MTHFD1: variants seen among roughly 807,000 people sequenced by gnomAD.
MTHFD1 encodes C-1-tetrahydrofolate synthase, cytoplasmic.
MTHFD1 carries 44 observed loss-of-function variants against 110.3 expected under a neutral mutation model. The observed-to-expected ratio is 0.40, with a 90% CI of 0.31 to 0.51. The LOEUF (loss-of-function observed/expected upper bound fraction) is 0.51, where lower values mean the gene tolerates loss of function less well. Among genes scored for constraint, MTHFD1 ranks in the 20% least tolerant of loss-of-function variants. The probability of loss-of-function intolerance (pLI) is 0.60; values close to 1 mark genes in which losing one functional copy is unlikely to be tolerated. For missense variants in MTHFD1, 909 were observed against 1,173.1 expected, an observed-to-expected ratio of 0.77 and a Z score of 3.29; for synonymous variants, 402 against 428.8, an observed-to-expected ratio of 0.94 and a Z score of 0.77.
At chr14:64,418,252 C>T (rs2078040552) in intron 7 of MTHFD1, among the ~76,000 whole-genome samples, 1 of 151,848 alleles carries the variant, frequency 6.6e-6, no homozygotes, top group Admixed American at 6.6e-5. Context: ...TTTTTGAGAC[C>T]AGCCTGGGCA....
In MTHFD1 at chr14:64,415,748, A is replaced by G. The variant is rs1448173215; in HGVS notation, c.478+9A>G. The G allele has an allele frequency of 6.2e-7, 1 of 1,612,966 alleles. No individual in the cohort carries two copies. The highest frequency in any genetic ancestry group is 1.3e-5 in the African/African-American group (1 of 74,916). ...ACTCATCAAAGAGACAGGTAAAAAC[A>G]ACAAACCAAACAACAAGAAAGCACC... On this transcript the variant is annotated intron_variant, in intron 6 of 27. Coordinates refer to ENST00000652337, the MANE Select transcript of MTHFD1 (RefSeq NM_005956.4).
At chr14:64,423,733 TC>T (rs1243365930) in intron 8 of MTHFD1, among the ~76,000 whole-genome samples, 1 of 146,924 alleles carries the variant, frequency 6.8e-6, no homozygotes, top group Non-Finnish European at 1.5e-5. Context: ...ACAGCTAATC[TC>T]TTTTTTTTCT....
chr14:64,436,101 C>CTT (rs958326126), intron 16 of MTHFD1, among the ~76,000 whole-genome samples: 1 of 146,960 alleles, frequency 6.8e-6, no homozygotes. Flanking sequence ...CTTACCTAAT[C>CTT]TTTTTTTTTT....
In MTHFD1 at chr14:64,401,011, G is replaced by A. The variant is rs1008960041; in HGVS notation, c.126+134G>A. The stretch of plus-strand genomic sequence containing the variant: ...CATGCCTTTTCAGTCTCTCTTGGCA[G>A]GCTCCCCCCTTTGGCTCAGCTTCTA... On this transcript the variant is annotated intron_variant, in intron 2 of 27. Transcript: ENST00000652337. 8.4e-6 allele frequency: 6 copies of A among 710,586 alleles called. No individual in the cohort carries two copies. In the African/African-American group the frequency reaches 8.9e-5, roughly 10 times the overall value. The allele number at this position is 710,586 out of a possible 1,614,324, so 44.0% of individuals were successfully genotyped here.
chr14:64,414,763 G>T (rs2357696), intron 4 of MTHFD1, among the ~76,000 whole-genome samples: 1 of 151,208 alleles, frequency 6.6e-6, no homozygotes, highest in Non-Finnish European at 1.5e-5. Context: ...TATCTCAGCG[G>T]ACTGCAACCT....
chr14:64,441,424 A>T lies in MTHFD1; in HGVS notation c.1855A>T (p.Ile619Phe). ...GALTVLMKDA[I>F]KPNLMQTLEG... ...ACTGACAGTGCTTATGAAGGACGCA[A>T]TCAAGCCCAATCTCATGCAGACACT... The change falls in exon 19 of 28, where the codon ATC becomes TTC. Residue 619 changes from isoleucine (I) to phenylalanine (F), a missense_variant. Coordinates refer to ENST00000652337, the MANE Select transcript of MTHFD1 (RefSeq NM_005956.4). The T allele has an allele frequency of 1.9e-6, 3 of 1,614,054 alleles. No homozygotes were observed. The highest frequency in any genetic ancestry group is 2.5e-6 in the Non-Finnish European group (3 of 1,179,978).
At chr14:64,409,486 T>TA (rs1039279110) in intron 2 of MTHFD1, among the ~76,000 whole-genome samples, 11 of 152,074 alleles carry the variant, frequency 7.2e-5, no homozygotes, top group Admixed American at 5.2e-4. Context: ...AATGAAATTG[T>TA]AAAAAAATAA....
chr14:64,402,558 GGT>G (rs781668205), intron 2 of MTHFD1, among the ~76,000 whole-genome samples: 86 of 152,102 alleles, frequency 5.7e-4, no homozygotes, highest in Non-Finnish European at 9.3e-4. Flanking sequence ...ATTTCAAGTA[GGT>G]GTTTCATATA....
At chr14:64,404,408 G>C (rs533611634) in intron 2 of MTHFD1, among the ~76,000 whole-genome samples, 36 of 152,292 alleles carry the variant, frequency 2.4e-4, no homozygotes, top group African/African-American at 8.7e-4. Flanking sequence ...ATGAGGGAAT[G>C]CTTCCAAATT....
intron 1 of MTHFD1, among the ~76,000 whole-genome samples, chr14:64,395,586 G>C (rs2077841493): frequency 1.3e-5 from 2 of 152,174 alleles, no homozygotes; most frequent in Non-Finnish European, 2.9e-5. Flanking sequence ...GCCTTAACCA[G>C]TCCAACCTAG....
intron 7 of MTHFD1, among the ~76,000 whole-genome samples, chr14:64,419,516 C>T (rs990395553): frequency 4.6e-5 from 7 of 152,180 alleles, no homozygotes; most frequent in African/African-American, 1.2e-4. Flanking sequence ...GGACATAACA[C>T]GCAGGGCCCC....
At chr14:64,438,429 G>A (rs996689118) in intron 16 of MTHFD1, among the ~76,000 whole-genome samples, 8 of 152,196 alleles carry the variant, frequency 5.3e-5, no homozygotes, top group African/African-American at 1.4e-4. Context: ...CCATGACAAA[G>A]GTCAAATATA....
At chr14:64,429,261 A>AACATATATATATGTATAT (rs11158541) in intron 12 of MTHFD1, among the ~76,000 whole-genome samples, 1 of 108,220 alleles carries the variant, frequency 9.2e-6, no homozygotes, top group Non-Finnish European at 2.0e-5. Context: ...TGTCTAAAAA[A>AACATATATATATGTATAT]ATATATATCT....
intron 21 of MTHFD1, 52 bp downstream of exon 21, chr14:64,442,454 A>G: frequency 6.3e-7 from 1 of 1,589,466 alleles, no homozygotes; most frequent in Non-Finnish European, 8.6e-7. Context: ...GACGGCCAAA[A>G]GGAAGTTGGA....
chr14:64,435,469 A>C, intron 15 of MTHFD1, 100 bp from the exon 16 acceptor site: 1 of 773,532 alleles, frequency 1.3e-6, no homozygotes, highest in Non-Finnish European at 2.4e-6. Flanking sequence ...TGCATTTCCT[A>C]GAGGGGATCC....
chr14:64,439,276 G>A, intron 17 of MTHFD1, 104 bp downstream of exon 17: 1 of 860,926 alleles, frequency 1.2e-6, no homozygotes, highest in East Asian at 2.6e-5. Flanking sequence ...GCCAGGTGTT[G>A]TTCTGCCTTC....
chr14:64,397,636 G>T (rs921524488), intron 1 of MTHFD1, among the ~76,000 whole-genome samples: 1 of 152,086 alleles, frequency 6.6e-6, no homozygotes, highest in Non-Finnish European at 1.5e-5. Context: ...CTTCTTCTCT[G>T]ATCAGTTACT....
At chr14:64,399,656 C>CAAAAAA (rs34735594) in intron 1 of MTHFD1, among the ~76,000 whole-genome samples, 11 of 113,088 alleles carry the variant, frequency 9.7e-5, no homozygotes, top group African/African-American at 2.6e-4. Context: ...GTCCCCATCT[C>CAAAAAA]AAAAAAAAAA....
intron 7 of MTHFD1, among the ~76,000 whole-genome samples, chr14:64,418,310 T>G (rs1014434756): frequency 2.0e-5 from 3 of 151,276 alleles, no homozygotes; most frequent in African/African-American, 7.3e-5. Flanking sequence ...ATTAGCCAGA[T>G]GGGGTGGGCA....
Sources: allele counts gnomAD v4.1 joint callset (sites outside exome capture counted in the v4.1 genomes callset), GRCh38; gene constraint gnomAD v4.1.1; transcripts MANE v1.5; gene names NCBI Gene and HGNC (gene_info 2026-07-23, HGNC 2026-07-21).